The following TTLL5 variants were observed in gnomAD, a reference collection of about 807,000 sequenced individuals.
TTLL5 encodes the protein tubulin polyglutamylase TTLL5.
A neutral mutation model predicts 168.4 loss-of-function variants in TTLL5; 132 were observed. That is an observed-to-expected ratio of 0.78 (90% CI 0.68 to 0.91). The LOEUF (loss-of-function observed/expected upper bound fraction) is 0.91, where lower values mean the gene tolerates loss of function less well. TTLL5 is among the 40% of genes least tolerant of loss of function. The pLI is 0.00. For missense variants in TTLL5, 1,545 were observed against 1,581.5 expected (o/e 0.98, Z 0.39); for synonymous variants, 546 against 558.6 (o/e 0.98, Z 0.32).
rs1808720562 is a variant in TTLL5 at position 75,682,019 on chromosome 14, G to A, written c.264+392G>A. 3.3e-5 allele frequency among the ~76,000 whole-genome samples: 5 copies of A among 151,534 alleles called. No homozygotes were observed. In the South Asian group the frequency reaches 8.4e-4, roughly 25 times the overall value. ...ATCCTGGCCAACATGGTGAAACCCCGTCTCTACTAAAAATACAAAAATTGG... is the reference window on the plus strand; with the variant it reads ...ATCCTGGCCAACATGGTGAAACCCCATCTCTACTAAAAATACAAAAATTGG... On this transcript the variant is annotated intron_variant, in intron 4 of 31. Coordinates refer to ENST00000298832, the MANE Select transcript of TTLL5 (RefSeq NM_015072.5).
chr14:75,861,610 A>ATT (rs757022604), intron 28 of TTLL5, among the ~76,000 whole-genome samples: 9 of 152,294 alleles, frequency 5.9e-5, no homozygotes, highest in Non-Finnish European at 1.2e-4. Flanking sequence ...ACTTTTCTCA[A>ATT]TTTAGGCACC....
chr14:75,715,386 A>G (rs933360729), intron 9 of TTLL5, among the ~76,000 whole-genome samples: 2 of 151,984 alleles, frequency 1.3e-5, no homozygotes, highest in African/African-American at 4.8e-5. Context: ...AGTTTAAAAG[A>G]AAAAACAAAG....
chr14:75,915,728 A>G (rs552556927), intron 31 of TTLL5, among the ~76,000 whole-genome samples: 3 of 152,364 alleles, frequency 2.0e-5, no homozygotes, highest in African/African-American at 7.2e-5. Context: ...GCAAATAACT[A>G]ATAGGCACAT....
chr14:75,714,373 ATTC>A (rs1422080552), intron 9 of TTLL5, among the ~76,000 whole-genome samples: 1 of 152,168 alleles, frequency 6.6e-6, no homozygotes, highest in Non-Finnish European at 1.5e-5. Flanking sequence ...GTAAAATTTC[ATTC>A]TTCATCTCAT....
At chr14:75,702,092 A>G (rs1348415130) in intron 7 of TTLL5, among the ~76,000 whole-genome samples, 1 of 152,192 alleles carries the variant, frequency 6.6e-6, no homozygotes, top group South Asian at 2.1e-4. Flanking sequence ...TGGACTCAAA[A>G]CAGTACCGTA....
chr14:75,947,024 G>T (rs1271674969), intron 31 of TTLL5, among the ~76,000 whole-genome samples: 1 of 152,186 alleles, frequency 6.6e-6, no homozygotes, highest in African/African-American at 2.4e-5. Flanking sequence ...ATGACAAGGG[G>T]CCAGATCATG....
intron 17 of TTLL5, among the ~76,000 whole-genome samples, chr14:75,746,068 T>G (rs1190161651): frequency 6.6e-6 from 1 of 152,202 alleles, no homozygotes; most frequent in African/African-American, 2.4e-5. Flanking sequence ...TATCCCCTTT[T>G]ATATTCAATC....
intron 31 of TTLL5, among the ~76,000 whole-genome samples, chr14:75,943,046 G>A (rs1042228288): frequency 3.3e-5 from 5 of 152,160 alleles, no homozygotes; most frequent in Non-Finnish European, 5.9e-5. Flanking sequence ...CAAAAATAAA[G>A]ATGGGTTAGC....
At chr14:75,807,646 A>T (rs1257978148) in intron 27 of TTLL5, among the ~76,000 whole-genome samples, 1 of 152,212 alleles carries the variant, frequency 6.6e-6, no homozygotes, top group African/African-American at 2.4e-5. Flanking sequence ...TGCTAATGTC[A>T]CACAGATGGC....
At chr14:75,787,326 T>C (rs1409079980) in intron 26 of TTLL5, among the ~76,000 whole-genome samples, 1 of 151,934 alleles carries the variant, frequency 6.6e-6, no homozygotes. Context: ...AAATACGAGA[T>C]GAGTACTAAC....
At chr14:75,753,078 C>T (rs1038172419) in intron 18 of TTLL5, 123 bp downstream of exon 18, 1 of 850,930 alleles carries the variant, frequency 1.2e-6, no homozygotes, top group African/African-American at 1.7e-5. Context: ...AAAAAAAGTC[C>T]TGTAGAAAGC....
intron 3 of TTLL5, among the ~76,000 whole-genome samples, chr14:75,676,231 C>G (rs1884142531): frequency 1.3e-5 from 2 of 152,184 alleles, no homozygotes; most frequent in Non-Finnish European, 2.9e-5. Flanking sequence ...CTATAAATGA[C>G]ATTTAACCAG....
At chr14:75,867,685 G>T (rs1419577205) in intron 29 of TTLL5, among the ~76,000 whole-genome samples, 1 of 151,768 alleles carries the variant, frequency 6.6e-6, no homozygotes, top group Non-Finnish European at 1.5e-5. Flanking sequence ...ACTTGAACCC[G>T]GGAGGCGGAG....
intron 28 of TTLL5, chr14:75,838,379 T>TC (rs1895995717): frequency 6.7e-6 from 1 of 150,072 alleles, no homozygotes; most frequent in Admixed American, 6.6e-5. Flanking sequence ...ACAGTGAAAC[T>TC]CCATCTCTAC....
intron 28 of TTLL5, among the ~76,000 whole-genome samples, chr14:75,860,609 G>C (rs1162186345): frequency 6.6e-6 from 1 of 152,162 alleles, no homozygotes; most frequent in Non-Finnish European, 1.5e-5. Flanking sequence ...TGCCCTAATT[G>C]GTGTGGAAAT....
chr14:75,807,367 G>C (rs1443253859), intron 27 of TTLL5, among the ~76,000 whole-genome samples: 2 of 152,140 alleles, frequency 1.3e-5, no homozygotes, highest in Non-Finnish European at 2.9e-5. Flanking sequence ...AGGATCGATT[G>C]AGCCCAAGAG....
chr14:75,937,873 A>C (rs1354019237), intron 31 of TTLL5, among the ~76,000 whole-genome samples: 1 of 152,230 alleles, frequency 6.6e-6, no homozygotes, highest in Non-Finnish European at 1.5e-5. Context: ...GTACATACAC[A>C]GAAGTGGAAT....
intron 31 of TTLL5, among the ~76,000 whole-genome samples, chr14:75,939,433 T>G (rs1242219912): frequency 2.0e-5 from 3 of 152,216 alleles, no homozygotes; most frequent in Admixed American, 6.5e-5. Context: ...TCATTCAGGC[T>G]GGAGTGCAGT....
At chr14:75,776,924 C>T in intron 23 of TTLL5, 74 bp downstream of exon 23, 3 of 1,210,446 alleles carry the variant, frequency 2.5e-6, no homozygotes. Context: ...CCCAGCATTC[C>T]TTTGTTTCTG....
Sources: allele counts gnomAD v4.1 joint callset (sites outside exome capture counted in the v4.1 genomes callset), GRCh38; gene constraint gnomAD v4.1.1; transcripts MANE v1.5; gene names NCBI Gene and HGNC (gene_info 2026-07-23, HGNC 2026-07-21).